Variants in SOS2 observed in about 807,000 individuals in gnomAD.
SOS2 encodes son of sevenless homolog 2.
SOS2 carries 65 observed loss-of-function variants against 148.2 expected under a neutral mutation model. That is an observed-to-expected ratio of 0.44 (90% confidence interval 0.36 to 0.54). SOS2 has a LOEUF of 0.54. SOS2 is among the 20% of genes least tolerant of loss of function. SOS2 has a pLI of 0.00. For synonymous variants in SOS2, 539 were observed against 537.1 expected, an observed-to-expected ratio of 1.00 and a Z score of -0.05; for missense variants, 1,341 against 1,590.2, an observed-to-expected ratio of 0.84 and a Z score of 2.67.
intron 2 of SOS2, 110 bp downstream of exon 2, chr14:50,204,174 T>C: frequency 1.6e-6 from 1 of 619,442 alleles, no homozygotes; most frequent in African/African-American, 1.9e-5. Flanking sequence ...ATATATATCA[T>C]ACATAATTTC....
At chr14:50,172,953 GC>G (rs1237660438) in intron 8 of SOS2, among the ~76,000 whole-genome samples, 1 of 152,016 alleles carries the variant, frequency 6.6e-6, no homozygotes, top group East Asian at 1.9e-4. Context: ...TCAGATTATG[GC>G]CCATTTTCAA....
chr14:50,152,968 A>G, intron 13 of SOS2, 102 bp downstream of exon 13: 1 of 629,714 alleles, frequency 1.6e-6, no homozygotes, highest in Non-Finnish European at 2.8e-6. Context: ...CTGTTTCAAA[A>G]AAAAAAAAGA....
chr14:50,207,443 C>G (rs1886697348), intron 1 of SOS2, among the ~76,000 whole-genome samples: 1 of 151,630 alleles, frequency 6.6e-6, no homozygotes, highest in Non-Finnish European at 1.5e-5. Flanking sequence ...CCCAGAAGGT[C>G]AAGGCTACAG....
intron 7 of SOS2, among the ~76,000 whole-genome samples, chr14:50,178,925 G>A (rs1021488023): frequency 6.6e-6 from 1 of 152,024 alleles, no homozygotes; most frequent in Middle Eastern, 3.4e-3. Context: ...AGTAGAGACA[G>A]GGTTTCGCCA....
chr14:50,157,003 G>GT lies in SOS2; in HGVS notation c.2052dup (p.Leu685ThrfsTer2). ...TAAAAAATATTCAAGCCAAACCTAA[G>GT]TTGTACTGGTTGGACATATTCCTTG... On this transcript the variant is annotated frameshift_variant, in exon 12 of 23. Transcript: ENST00000216373. LOFTEE classifies it high-confidence loss of function. The GT allele has an allele frequency of 6.3e-7, 1 of 1,580,054 alleles. No individual in the cohort carries two copies.
At chr14:50,165,352 G>A (rs1029520341) in intron 8 of SOS2, among the ~76,000 whole-genome samples, 2 of 152,024 alleles carry the variant, frequency 1.3e-5, no homozygotes, top group African/African-American at 4.8e-5. Context: ...CTTTTATTCT[G>A]GAGAGTTCCT....
intron 1 of SOS2, among the ~76,000 whole-genome samples, chr14:50,210,562 T>C (rs1419033054): frequency 6.6e-6 from 1 of 152,096 alleles, no homozygotes; most frequent in Non-Finnish European, 1.5e-5. Flanking sequence ...CTTTAAAATT[T>C]AGGTTTCTCA....
At position 50,117,471 on chromosome 14, in the gene SOS2, T is replaced by C. The variant is rs1248202225; in HGVS notation, c.*873A>G. 1 of 152,278 alleles carries C rather than the reference T, an allele frequency of 6.6e-6. No individual in the cohort carries two copies. The highest frequency in any genetic ancestry group is 1.5e-5 in the Non-Finnish European group (1 of 68,054). The allele number at this position is 152,278 out of a possible 1,614,324, so 9.4% of individuals were successfully genotyped here. A position where few individuals can be genotyped will look rare whatever the true frequency, so the allele number is the denominator to read the frequency against. On this transcript the variant is annotated 3_prime_UTR_variant, in exon 23 of 23. Transcript: ENST00000216373. The stretch of plus-strand genomic sequence containing the variant: ...TTGAAGGCAAGGCAGTTGGTTCCTA[T>C]GCCATAGAATTTTTTTTGAATTTAT...
chr14:50,227,617 G>A (rs1887418847), intron 1 of SOS2, among the ~76,000 whole-genome samples: 1 of 152,080 alleles, frequency 6.6e-6, no homozygotes, highest in Non-Finnish European at 1.5e-5. Context: ...AGTAGAGATG[G>A]GGTTTCACCG....
Position 50,231,287 on chromosome 14 carries a change from C to T in SOS2, c.-4G>A, listed in dbSNP as rs777488196. On this transcript the variant is annotated 5_prime_UTR_variant, in exon 1 of 23. Transcript: ENST00000216373. Reference sequence around the variant, plus strand: ...AAGGCTGCGGCGCCTGCTGCATGGCCCCGGCGACAGCGCCTCCGCATCGGG... The same window carrying T: ...AAGGCTGCGGCGCCTGCTGCATGGCTCCGGCGACAGCGCCTCCGCATCGGG... 3.0e-5 allele frequency: 42 copies of T among 1,423,596 alleles called. No individual in the cohort carries two copies. The Admixed American group carries it at 6.1e-4, about 21-fold the overall frequency. The allele number at this position is 1,423,596 out of a possible 1,614,324, so 88.2% of individuals were successfully genotyped here.
At chr14:50,215,526 A>G in intron 1 of SOS2, 1 of 1,200,180 alleles carries the variant, frequency 8.3e-7, no homozygotes, top group Non-Finnish European at 1.1e-6. Context: ...AATTAAAATA[A>G]TTTCCAGTCT....
intron 13 of SOS2, among the ~76,000 whole-genome samples, chr14:50,152,487 T>C (rs1884692067): frequency 6.6e-6 from 1 of 152,232 alleles, no homozygotes; most frequent in African/African-American, 2.4e-5. Context: ...TGCAATGAGA[T>C]AAAATTAAAT....
intron 7 of SOS2, among the ~76,000 whole-genome samples, chr14:50,178,711 T>TATATATACAC (rs1237281191): frequency 1.7e-5 from 2 of 120,444 alleles, no homozygotes; most frequent in Non-Finnish European, 3.3e-5. Context: ...TATATATATA[T>TATATATACAC]ACACACATAT....
chr14:50,225,606 C>G (rs1887345043), intron 1 of SOS2, among the ~76,000 whole-genome samples: 1 of 152,176 alleles, frequency 6.6e-6, no homozygotes, highest in South Asian at 2.1e-4. Context: ...TGGCTGAACT[C>G]TTCGGGTCAG....
intron 1 of SOS2, among the ~76,000 whole-genome samples, chr14:50,212,430 T>C (rs1206140344): frequency 1.3e-5 from 2 of 152,148 alleles, no homozygotes; most frequent in Admixed American, 1.3e-4. Flanking sequence ...GCAAAGATCA[T>C]GCCACTGCAC....
chr14:50,199,580 C>T, intron 4 of SOS2, 111 bp downstream of exon 4: 1 of 575,736 alleles, frequency 1.7e-6, no homozygotes, highest in South Asian at 3.7e-5. Flanking sequence ...TTCTCTCTTC[C>T]AGTACTAGCA....
At chr14:50,165,017 G>A (rs1309083299) in intron 8 of SOS2, among the ~76,000 whole-genome samples, 2 of 151,226 alleles carry the variant, frequency 1.3e-5, no homozygotes, top group Admixed American at 6.6e-5. Flanking sequence ...CAGAGGAAGG[G>A]GGACTACGGC....
chr14:50,202,419 CT>C (rs1226265546), intron 2 of SOS2, among the ~76,000 whole-genome samples: 1 of 152,214 alleles, frequency 6.6e-6, no homozygotes, highest in Non-Finnish European at 1.5e-5. Context: ...TGCTTTCAGT[CT>C]GTTTATTTCA....
At chr14:50,215,384 TG>T (rs1887014694) in intron 1 of SOS2, 1 of 1,281,724 alleles carries the variant, frequency 7.8e-7, no homozygotes, top group Non-Finnish European at 1.0e-6. Flanking sequence ...CCATAAATGC[TG>T]TAACAGGACA....
Sources: gnomAD v4.1 joint callset for allele counts (sites outside exome capture counted in the v4.1 genomes callset) on GRCh38, gnomAD v4.1.1 for gene constraint, MANE v1.5 for transcripts, NCBI Gene and HGNC (gene_info 2026-07-23, HGNC 2026-07-21) for gene names.